TPRG1: variants seen among roughly 807,000 people sequenced by gnomAD.
TPRG1 encodes tumor protein p63 regulated 1, also known as tumor protein p63-regulated gene 1 protein.
TPRG1 carries 29 observed loss-of-function variants against 29.3 expected under a neutral mutation model. The ratio of observed to expected loss-of-function variants is 0.99; its 90% CI spans 0.74 to 1.35. TPRG1 has a LOEUF of 1.35. Among genes scored for constraint, TPRG1 ranks in the 40% most tolerant of loss-of-function variants. TPRG1 has a pLI of 0.00. For synonymous variants in TPRG1, 130 were observed against 116.8 expected (o/e 1.11, Z -0.73); for missense variants, 327 against 335.0 (o/e 0.98, Z 0.19).
At chr3:189,111,255 C>G (rs1286726636) in intron 1 of TPRG1, among the ~76,000 whole-genome samples, 2 of 151,888 alleles carry the variant, frequency 1.3e-5, no homozygotes, top group Non-Finnish European at 2.9e-5. Context: ...TTTCTTTTGT[C>G]AGTATTTTGT....
chr3:189,229,504 G>A (rs1209664894), intron 3 of TPRG1, among the ~76,000 whole-genome samples: 1 of 152,198 alleles, frequency 6.6e-6, no homozygotes, highest in Non-Finnish European at 1.5e-5. Context: ...TCTGAACTGA[G>A]AGATACAGAG....
chr3:189,258,065 T>C (rs1440366786), intron 4 of TPRG1, among the ~76,000 whole-genome samples: 2 of 152,214 alleles, frequency 1.3e-5, no homozygotes, highest in Non-Finnish European at 2.9e-5. Context: ...TGTGATCCTT[T>C]GGAGGAGAAG....
intron 4 of TPRG1, chr3:189,150,508 A>G (rs1052949650): frequency 6.6e-6 from 1 of 152,086 alleles, no homozygotes; most frequent in African/African-American, 2.4e-5. Flanking sequence ...CTGTTGATTT[A>G]CCTGCTTCAG....
intron 3 of TPRG1, among the ~76,000 whole-genome samples, chr3:189,016,446 G>A (rs1173426003): frequency 1.3e-5 from 2 of 152,048 alleles, no homozygotes; most frequent in Non-Finnish European, 2.9e-5. Context: ...TTGGATTGTG[G>A]ACTTTTGAGT....
intron 2 of TPRG1, among the ~76,000 whole-genome samples, chr3:189,128,799 C>T (rs746675595): frequency 3.9e-5 from 6 of 152,110 alleles, no homozygotes; most frequent in African/African-American, 9.7e-5. Context: ...GACAGAGTTT[C>T]GCTCTTGTTG....
At chr3:189,298,518 A>T (rs1273877395) in intron 4 of TPRG1, among the ~76,000 whole-genome samples, 1 of 152,210 alleles carries the variant, frequency 6.6e-6, no homozygotes. Flanking sequence ...TCAGATCTGC[A>T]TCCTCTGACC....
At chr3:189,072,807 T>A (rs533747047) in intron 4 of TPRG1, among the ~76,000 whole-genome samples, 1 of 152,286 alleles carries the variant, frequency 6.6e-6, no homozygotes, top group Non-Finnish European at 1.5e-5. Context: ...TATCTGTCTA[T>A]GTAATTTTTA....
intron 4 of TPRG1, among the ~76,000 whole-genome samples, chr3:189,254,514 G>C (rs1431695938): frequency 2.6e-5 from 4 of 152,094 alleles, no homozygotes; most frequent in African/African-American, 9.7e-5. Flanking sequence ...GCTCATCTTT[G>C]GTTCCATATG....
intron 1 of TPRG1, among the ~76,000 whole-genome samples, chr3:189,175,116 G>A (rs1291738028): frequency 3.3e-5 from 5 of 152,122 alleles, no homozygotes; most frequent in Non-Finnish European, 5.9e-5. Context: ...TATTGAAAAT[G>A]TGTACACAAG....
intron 5 of TPRG1, among the ~76,000 whole-genome samples, chr3:189,160,802 A>G (rs1727370939): frequency 6.6e-6 from 1 of 152,216 alleles, no homozygotes; most frequent in Non-Finnish European, 1.5e-5. Flanking sequence ...TCACACGGAA[A>G]ATACTTATCG....
At position 189,301,996 on chromosome 3, in the gene TPRG1, A is replaced by G. The variant is rs549018837; in HGVS notation, c.480-8390A>G. Among the ~76,000 whole-genome samples, 8 of 152,294 alleles carry G rather than the reference A, an allele frequency of 5.3e-5. No homozygotes were observed. The South Asian group carries it at 1.5e-3, about 28-fold the overall frequency. On this transcript the variant is annotated intron_variant, in intron 4 of 5. Coordinates refer to ENST00000345063, the MANE Select transcript of TPRG1 (RefSeq NM_198485.4). ...GACTTCACCCTGCTTGCTCACATGT[A>G]GCTCAACTGGACATAAATACAGTCA... is the stretch of plus-strand genomic sequence containing the variant.
chr3:189,013,404 TC>T (rs1477861345), intron 3 of TPRG1, among the ~76,000 whole-genome samples: 1 of 152,178 alleles, frequency 6.6e-6, no homozygotes, highest in Non-Finnish European at 1.5e-5. Context: ...TGATTTCAGT[TC>T]TTTTGCATTT....
intron 5 of TPRG1, among the ~76,000 whole-genome samples, chr3:189,318,113 A>G (rs1300700378): frequency 6.6e-6 from 1 of 152,170 alleles, no homozygotes; most frequent in East Asian, 1.9e-4. Context: ...CGTGCCCTCT[A>G]TTACAGGAGA....
intron 2 of TPRG1, among the ~76,000 whole-genome samples, chr3:189,215,074 A>G (rs1470882057): frequency 6.6e-6 from 1 of 152,014 alleles, no homozygotes; most frequent in Non-Finnish European, 1.5e-5. Context: ...AAGATTATAG[A>G]AGATGGGGCC....
At chr3:189,096,249 G>C (rs1459010991), upstream of TPRG1, among the ~76,000 whole-genome samples, 1 of 152,170 alleles carries the variant, frequency 6.6e-6, no homozygotes, top group East Asian at 1.9e-4. Context: ...GGAGGCCCTA[G>C]TGCCACCCCA....
intron 3 of TPRG1, among the ~76,000 whole-genome samples, chr3:189,227,718 AAAAT>A (rs1403510148): frequency 6.6e-6 from 1 of 152,264 alleles, no homozygotes; most frequent in Non-Finnish European, 1.5e-5. Context: ...GATTTGTAGA[AAAAT>A]AAATAAATAA....
chr3:189,197,959 C>T (rs190551166), intron 1 of TPRG1, among the ~76,000 whole-genome samples: 1 of 152,234 alleles, frequency 6.6e-6, no homozygotes, highest in Admixed American at 6.5e-5. Context: ...AGTGCCAAGG[C>T]CAGAATGTGT....
At chr3:189,220,393 T>A (rs1736762502) in intron 3 of TPRG1, among the ~76,000 whole-genome samples, 1 of 152,200 alleles carries the variant, frequency 6.6e-6, no homozygotes, top group Admixed American at 6.5e-5. Flanking sequence ...AATGTTTTGA[T>A]GTCCATGCAT....
At position 189,291,356 on chromosome 3, in the gene TPRG1, C is replaced by G. The variant is rs558734785; in HGVS notation, c.480-19030C>G. Among the ~76,000 whole-genome samples the G allele has an allele frequency of 1.9e-4, 29 of 152,182 alleles. No individual in the cohort carries two copies. In the South Asian group the frequency reaches 5.0e-3, roughly 26 times the overall value. On this transcript the variant is annotated intron_variant, in intron 4 of 5. Coordinates refer to ENST00000345063, the MANE Select transcript of TPRG1 (RefSeq NM_198485.4). ...GGTGATCTGTTTGTATGTAAAAATA[C>G]TTTGTATATTTTAATGGAGTCTCTT...
Sources: allele counts gnomAD v4.1 joint callset (sites outside exome capture counted in the v4.1 genomes callset), GRCh38; gene constraint gnomAD v4.1.1; transcripts MANE v1.5; gene names NCBI Gene and HGNC (gene_info 2026-07-23, HGNC 2026-07-21).